KALRN: variants seen among roughly 807,000 people sequenced by gnomAD.
KALRN encodes kalirin RhoGEF kinase.
A neutral mutation model predicts 353.7 loss-of-function variants in KALRN; 70 were observed. The ratio of observed to expected loss-of-function variants is 0.20; its 90% CI spans 0.16 to 0.24. The LOEUF is 0.24. Among genes scored for constraint, KALRN ranks in the 10% least tolerant of loss-of-function variants. The pLI is 1.00. For missense variants in KALRN, 2,791 were observed against 3,756.7 expected (o/e 0.74, Z 6.72); for synonymous variants, 1,391 against 1,434.8 (o/e 0.97, Z 0.69).
At chr3:124,666,778 G>C (rs1174149404) in intron 46 of KALRN, 144 bp downstream of exon 46, 3 of 750,464 alleles carry the variant, frequency 4.0e-6, no homozygotes, top group Admixed American at 2.6e-5. Flanking sequence ...GAGGCTGCAC[G>C]ACAGTGATTA....
At chr3:124,599,429 A>G (rs578258841) in intron 34 of KALRN, among the ~76,000 whole-genome samples, 1 of 152,292 alleles carries the variant, frequency 6.6e-6, no homozygotes, top group Admixed American at 6.5e-5. Context: ...TTATGTTGGC[A>G]CTGGGATCCA....
chr3:124,237,507 C>A (rs921601309), intron 3 of KALRN, among the ~76,000 whole-genome samples: 5 of 151,982 alleles, frequency 3.3e-5, no homozygotes, highest in Non-Finnish European at 7.4e-5. Context: ...GGATTACAGG[C>A]ACCTGCCACC....
chr3:124,250,529 T>A (rs1274725280), intron 3 of KALRN, among the ~76,000 whole-genome samples: 1 of 152,226 alleles, frequency 6.6e-6, no homozygotes, highest in Non-Finnish European at 1.5e-5. Context: ...TTAGAAAGGC[T>A]CCTTGTGTCT....
At chr3:124,143,152 T>C (rs1578547126) in intron 1 of KALRN, among the ~76,000 whole-genome samples, 1 of 152,180 alleles carries the variant, frequency 6.6e-6, no homozygotes, top group African/African-American at 2.4e-5. Flanking sequence ...GAAATGTTAT[T>C]GCAGACTCTG....
At chr3:124,343,366 C>T (rs891942178) in intron 9 of KALRN, among the ~76,000 whole-genome samples, 1 of 152,082 alleles carries the variant, frequency 6.6e-6, no homozygotes, top group Non-Finnish European at 1.5e-5. Context: ...TGCCATGTTA[C>T]AGAGGCTTGT....
chr3:124,058,064 A>G (rs1172387126), intron 1 of KALRN, among the ~76,000 whole-genome samples: 7 of 152,272 alleles, frequency 4.6e-5, no homozygotes, highest in African/African-American at 7.2e-5. Flanking sequence ...AAAAACTCCC[A>G]TTTTAAAAAT....
chr3:124,676,879 G>A (rs764377695), intron 49 of KALRN, among the ~76,000 whole-genome samples: 15 of 152,208 alleles, frequency 9.9e-5, no homozygotes, highest in Admixed American at 2.0e-4. Flanking sequence ...GTATGCAGGG[G>A]ACAGTAGAGA....
intron 34 of KALRN, among the ~76,000 whole-genome samples, chr3:124,627,520 C>T (rs2080093750): frequency 6.6e-6 from 1 of 152,230 alleles, no homozygotes; most frequent in South Asian, 2.1e-4. Flanking sequence ...AGGCAGTCAT[C>T]TGTCTCGCCT....
At chr3:124,566,796 T>G (rs1451788384) in intron 34 of KALRN, among the ~76,000 whole-genome samples, 1 of 152,210 alleles carries the variant, frequency 6.6e-6, no homozygotes, top group African/African-American at 2.4e-5. Flanking sequence ...AGATTGAGAA[T>G]AAAATGTTCC....
intron 54 of KALRN, 36 bp downstream of exon 54, chr3:124,696,291 T>C: frequency 6.2e-7 from 1 of 1,601,456 alleles, no homozygotes; most frequent in Non-Finnish European, 8.5e-7. Context: ...TTTTGAAATA[T>C]ATATATATTT....
intron 33 of KALRN, among the ~76,000 whole-genome samples, chr3:124,553,150 AT>A (rs1355363646): frequency 6.6e-6 from 1 of 152,252 alleles, no homozygotes; most frequent in Non-Finnish European, 1.5e-5. Context: ...TGATTACTGG[AT>A]AAACAATATA....
intron 6 of KALRN, among the ~76,000 whole-genome samples, 195 bp from the exon 7 acceptor site, chr3:124,325,785 C>T (rs2079837568): frequency 6.6e-6 from 1 of 152,174 alleles, no homozygotes; most frequent in Non-Finnish European, 1.5e-5. Flanking sequence ...AATGAAAGTT[C>T]CCTGCTATCT....
At chr3:124,114,606 G>A (rs1172763748) in intron 1 of KALRN, among the ~76,000 whole-genome samples, 1 of 152,218 alleles carries the variant, frequency 6.6e-6, no homozygotes. Context: ...TGTCCTCACA[G>A]AGGGCACCCC....
chr3:124,681,657 G>A (rs1490050907), intron 51 of KALRN, among the ~76,000 whole-genome samples: 1 of 120,948 alleles, frequency 8.3e-6, no homozygotes, highest in African/African-American at 3.1e-5. Context: ...TTTTTGACGT[G>A]GAGTCTCTGT....
intron 33 of KALRN, among the ~76,000 whole-genome samples, chr3:124,503,544 G>A (rs759477734): frequency 7.3e-5 from 11 of 151,382 alleles, no homozygotes; most frequent in Admixed American, 3.3e-4. Flanking sequence ...ACTTTTATCT[G>A]TGGTAGGCAG....
chr3:124,484,236 G>A (rs2062300662), intron 28 of KALRN, among the ~76,000 whole-genome samples: 1 of 152,240 alleles, frequency 6.6e-6, no homozygotes, highest in African/African-American at 2.4e-5. Flanking sequence ...CCCTGGCTTA[G>A]CACTATGAGA....
At chr3:124,663,047 G>A (rs1307351335) in intron 45 of KALRN, among the ~76,000 whole-genome samples, 1 of 152,046 alleles carries the variant, frequency 6.6e-6, no homozygotes, top group African/African-American at 2.4e-5. Flanking sequence ...CTGGGTTCAA[G>A]CGATTCTCCT....
intron 34 of KALRN, among the ~76,000 whole-genome samples, chr3:124,600,597 AT>A (rs2076696706): frequency 1.3e-5 from 2 of 152,234 alleles, no homozygotes; most frequent in Non-Finnish European, 1.5e-5. Flanking sequence ...GACACCTCCA[AT>A]TTGTATTTAT....
At chr3:124,217,469 T>C (rs1274708810) in intron 1 of KALRN, among the ~76,000 whole-genome samples, 1 of 152,232 alleles carries the variant, frequency 6.6e-6, no homozygotes, top group Non-Finnish European at 1.5e-5. Flanking sequence ...TATGTGTGTG[T>C]GTGTGCGTGT....
Sources: gnomAD v4.1 joint callset for allele counts (sites outside exome capture counted in the v4.1 genomes callset) on GRCh38, gnomAD v4.1.1 for gene constraint, MANE v1.5 for transcripts, NCBI Gene and HGNC (gene_info 2026-07-23, HGNC 2026-07-21) for gene names.